Variants in KCNB2 observed in about 807,000 individuals in gnomAD.
The protein encoded by KCNB2 is potassium voltage-gated channel subfamily B member 2.
In KCNB2, 15 loss-of-function variants were observed where a neutral mutation model predicts 61.5. The observed-to-expected ratio is 0.24, with a 90% confidence interval of 0.16 to 0.38. The LOEUF (loss-of-function observed/expected upper bound fraction) is 0.38, where lower values mean the gene tolerates loss of function less well. Ranked by LOEUF, KCNB2 falls within the 10% of genes least tolerant of loss-of-function variation. The pLI is 1.00. For missense variants in KCNB2, 828 were observed against 1,125.2 expected, an observed-to-expected ratio of 0.74 and a Z score of 3.78; for synonymous variants, 457 against 446.0, an observed-to-expected ratio of 1.02 and a Z score of -0.31.
intron 2 of KCNB2, among the ~76,000 whole-genome samples, chr8:72,568,874 C>G (rs1806667783): frequency 6.6e-6 from 1 of 151,606 alleles, no homozygotes; most frequent in Admixed American, 6.6e-5. Flanking sequence ...ATCCACGTAC[C>G]TCCCCTTTTG....
intron 2 of KCNB2, among the ~76,000 whole-genome samples, chr8:72,838,928 T>C (rs73686544): frequency 0.033 from 4,960 of 152,310 alleles, 273 homozygotes; most frequent in African/African-American, 0.11. Context: ...TGTAATTTCT[T>C]TTCTAAAATA....
intron 2 of KCNB2, among the ~76,000 whole-genome samples, chr8:72,869,126 C>CTAGA (rs1256671554): frequency 6.6e-6 from 1 of 152,206 alleles, no homozygotes. Context: ...GCTCAGGAAG[C>CTAGA]TGCACAGAGA....
intron 2 of KCNB2, among the ~76,000 whole-genome samples, chr8:72,863,033 C>T (rs1412123644): frequency 1.3e-5 from 2 of 152,030 alleles, no homozygotes; most frequent in African/African-American, 4.8e-5. Flanking sequence ...TGTTTTTTGC[C>T]CTATTCCAAG....
chr8:72,661,595 A>T (rs924491911), intron 2 of KCNB2: 1 of 152,142 alleles, frequency 6.6e-6, no homozygotes, highest in South Asian at 2.1e-4. Flanking sequence ...TCCATTCCTC[A>T]TCGTTTTATG....
chr8:72,868,515 T>C (rs1002292906), intron 2 of KCNB2, among the ~76,000 whole-genome samples: 2 of 151,552 alleles, frequency 1.3e-5, no homozygotes, highest in Admixed American at 6.6e-5. Context: ...GAAGTAGAGG[T>C]TGCAGTGAGC....
chr8:72,690,491 T>G (rs1806923107), intron 2 of KCNB2, among the ~76,000 whole-genome samples: 1 of 152,234 alleles, frequency 6.6e-6, no homozygotes, highest in African/African-American at 2.4e-5. Flanking sequence ...GCCTTTTGCA[T>G]AGTCCAATAC....
chr8:72,655,834 CT>C (rs1464100686), intron 2 of KCNB2, among the ~76,000 whole-genome samples: 2 of 152,062 alleles, frequency 1.3e-5, no homozygotes, highest in African/African-American at 4.8e-5. Context: ...TCTTTTCTTG[CT>C]TTTTTATTTA....
chr8:72,595,516 G>A (rs1394119009), intron 2 of KCNB2, among the ~76,000 whole-genome samples: 1 of 151,842 alleles, frequency 6.6e-6, no homozygotes, highest in African/African-American at 2.4e-5. Context: ...AGTAGAGACG[G>A]AGTTTCACCA....
intron 2 of KCNB2, among the ~76,000 whole-genome samples, chr8:72,732,485 T>TA (rs1369367268): frequency 6.6e-6 from 1 of 152,228 alleles, no homozygotes. Flanking sequence ...TTTGAACATT[T>TA]AGACATTGCA....
chr8:72,711,355 G>A (rs1807323093), intron 2 of KCNB2, among the ~76,000 whole-genome samples: 1 of 152,316 alleles, frequency 6.6e-6, no homozygotes, highest in African/African-American at 2.4e-5. Flanking sequence ...TGACTCCCAT[G>A]CCATGCCTGC....
chr8:72,637,680 C>G (rs1327774542), intron 2 of KCNB2, among the ~76,000 whole-genome samples: 1 of 152,170 alleles, frequency 6.6e-6, no homozygotes, highest in Non-Finnish European at 1.5e-5. Flanking sequence ...CTGCGAGTCC[C>G]TCTTCTCTCA....
At chr8:72,687,389 G>A (rs1436836872) in intron 2 of KCNB2, among the ~76,000 whole-genome samples, 2 of 152,000 alleles carry the variant, frequency 1.3e-5, no homozygotes, top group Non-Finnish European at 2.9e-5. Context: ...ATTTTATTTT[G>A]TGGGTATATT....
At chr8:72,569,762 C>A (rs1323359691) in intron 2 of KCNB2, among the ~76,000 whole-genome samples, 1 of 151,978 alleles carries the variant, frequency 6.6e-6, no homozygotes, top group Non-Finnish European at 1.5e-5. Flanking sequence ...ATGAATGAGA[C>A]AGATTCTGGA....
intron 2 of KCNB2, among the ~76,000 whole-genome samples, chr8:72,739,387 C>A (rs755671296): frequency 6.6e-6 from 1 of 151,772 alleles, no homozygotes; most frequent in Admixed American, 6.6e-5. Flanking sequence ...GGGAATTAGA[C>A]GAGTAGAGAA....
At chr8:72,857,870 A>G (rs1362654307) in intron 2 of KCNB2, among the ~76,000 whole-genome samples, 1 of 152,214 alleles carries the variant, frequency 6.6e-6, no homozygotes, top group African/African-American at 2.4e-5. Flanking sequence ...AGCTCTGAGC[A>G]GTTTTGTAAC....
At chr8:72,690,557 G>A (rs1806924707) in intron 2 of KCNB2, among the ~76,000 whole-genome samples, 1 of 152,220 alleles carries the variant, frequency 6.6e-6, no homozygotes, top group Non-Finnish European at 1.5e-5. Flanking sequence ...GGTCCCACTA[G>A]ACTGGAATCT....
At chr8:72,611,699 C>T (rs991270455) in intron 2 of KCNB2, among the ~76,000 whole-genome samples, 5 of 152,168 alleles carry the variant, frequency 3.3e-5, no homozygotes, top group Admixed American at 2.6e-4. Context: ...TATTTCATAG[C>T]ACCTTTTAAG....
At chr8:72,751,205 C>A (rs62518139) in intron 2 of KCNB2, 20,815 of 152,064 alleles carry the variant, frequency 0.14, 1,798 homozygotes, top group South Asian at 0.31. Flanking sequence ...GTGTAGCAAC[C>A]CCATCTCTGG....
At chr8:72,870,363 TA>T (rs906541003) in intron 2 of KCNB2, among the ~76,000 whole-genome samples, 16 of 152,118 alleles carry the variant, frequency 1.1e-4, no homozygotes, top group African/African-American at 3.6e-4. Flanking sequence ...AAATACATTT[TA>T]AAAAAACATA....
Sources: allele counts gnomAD v4.1 joint callset (sites outside exome capture counted in the v4.1 genomes callset), GRCh38; gene constraint gnomAD v4.1.1; transcripts MANE v1.5; gene names NCBI Gene and HGNC (gene_info 2026-07-23, HGNC 2026-07-21).